The following AFDN variants were observed in gnomAD, a reference collection of about 807,000 sequenced individuals.
AFDN encodes the protein afadin.
In AFDN, 68 loss-of-function variants were observed where a neutral mutation model predicts 216.6. The observed-to-expected ratio is 0.31, with a 90% CI of 0.26 to 0.38. The LOEUF (loss-of-function observed/expected upper bound fraction) is 0.38, where lower values mean the gene tolerates loss of function less well. Among genes scored for constraint, AFDN ranks in the 10% least tolerant of loss-of-function variants. The pLI, the probability that AFDN is intolerant of heterozygous loss-of-function variation, is 1.00. For synonymous variants in AFDN, 868 were observed against 853.7 expected (o/e 1.02, Z -0.29); for missense variants, 2,136 against 2,342.0 (o/e 0.91, Z 1.82).
intron 1 of AFDN, among the ~76,000 whole-genome samples, chr6:167,851,803 A>G (rs141862803): frequency 3.9e-5 from 6 of 152,272 alleles, no homozygotes; most frequent in South Asian, 4.1e-4. Flanking sequence ...TAAGCAAGCT[A>G]TGTTTGGCTT....
chr6:167,916,897 C>T (rs774430067), intron 19 of AFDN, among the ~76,000 whole-genome samples, 192 bp from the exon 20 acceptor site: 10 of 151,856 alleles, frequency 6.6e-5, no homozygotes, highest in Non-Finnish European at 1.5e-4. Context: ...AAAAAGATGC[C>T]CTTTACAAGA....
At chr6:167,922,549 G>A (rs1122916) in intron 21 of AFDN, among the ~76,000 whole-genome samples, 68,385 of 151,958 alleles carry the variant, frequency 0.45, 16,194 homozygotes, top group East Asian at 0.8. Context: ...TGGAGTAAAC[G>A]GTTCTGCAAG....
At chr6:167,844,434 G>C (rs1781413084) in intron 1 of AFDN, among the ~76,000 whole-genome samples, 1 of 152,124 alleles carries the variant, frequency 6.6e-6, no homozygotes, top group African/African-American at 2.4e-5. Context: ...TAAAACAAAA[G>C]TATGTATAAA....
At chr6:167,958,525 AAC>A (rs1453805938) in intron 30 of AFDN, among the ~76,000 whole-genome samples, 1 of 152,236 alleles carries the variant, frequency 6.6e-6, no homozygotes, top group East Asian at 1.9e-4. Context: ...TTGTCTTGTT[AAC>A]ACGTTTTAAT....
intron 31 of AFDN, chr6:167,964,950 C>T (rs1306533195): frequency 2.8e-6 from 3 of 1,056,040 alleles, no homozygotes; most frequent in African/African-American, 1.7e-5. Flanking sequence ...TTAACACTGT[C>T]AACTGTAGTT....
chr6:167,948,170 A>G (rs1397297215), intron 28 of AFDN, 123 bp from the exon 29 acceptor site: 2 of 906,072 alleles, frequency 2.2e-6, no homozygotes, highest in Non-Finnish European at 3.3e-6. Flanking sequence ...AGTATGGATC[A>G]AACACTTTTT....
At chr6:167,941,965 G>T (rs1319857218) in intron 23 of AFDN, among the ~76,000 whole-genome samples, 10 of 152,200 alleles carry the variant, frequency 6.6e-5, no homozygotes. Context: ...CTCCAAAATG[G>T]AGTTGCTTTG....
At chr6:167,835,125 TAAAC>T (rs770191094) in intron 1 of AFDN, among the ~76,000 whole-genome samples, 12 of 152,236 alleles carry the variant, frequency 7.9e-5, no homozygotes, top group African/African-American at 2.7e-4. Context: ...TAAATTTCCT[TAAAC>T]AATAACAAAA....
At chr6:167,896,490 A>G (rs1788264985) in intron 9 of AFDN, among the ~76,000 whole-genome samples, 1 of 152,204 alleles carries the variant, frequency 6.6e-6, no homozygotes, top group African/African-American at 2.4e-5. Flanking sequence ...TAAGGGCAGC[A>G]AGAATACTGC....
intron 6 of AFDN, 133 bp downstream of exon 6, chr6:167,880,650 A>G: frequency 1.2e-6 from 1 of 855,622 alleles, no homozygotes. Flanking sequence ...ATCATGTGCT[A>G]AATATATATT....
chr6:167,969,637 T>C (rs1176059113), intron 33 of AFDN, 145 bp from the exon 34 acceptor site: 1 of 725,574 alleles, frequency 1.4e-6, no homozygotes, highest in African/African-American at 1.8e-5. Context: ...ATACAGCCCC[T>C]GTGATTTCGA....
intron 13 of AFDN, among the ~76,000 whole-genome samples, chr6:167,910,639 C>T (rs1278454840): frequency 6.6e-6 from 1 of 152,164 alleles, no homozygotes; most frequent in Non-Finnish European, 1.5e-5. Flanking sequence ...GTCAGCTTGT[C>T]TAACCCTGTG....
At chr6:167,838,641 C>G (rs1045740049) in intron 1 of AFDN, among the ~76,000 whole-genome samples, 1 of 152,194 alleles carries the variant, frequency 6.6e-6, no homozygotes, top group Non-Finnish European at 1.5e-5. Flanking sequence ...ACTTGCATTT[C>G]CAAATGAAAA....
intron 9 of AFDN, among the ~76,000 whole-genome samples, chr6:167,894,604 TC>T (rs1034041652): frequency 5.9e-5 from 9 of 152,312 alleles, no homozygotes; most frequent in African/African-American, 1.9e-4. Flanking sequence ...TTTAGGTTCT[TC>T]AAAATCTGTA....
intron 2 of AFDN, among the ~76,000 whole-genome samples, chr6:167,865,618 A>T (rs1333790090): frequency 6.6e-6 from 1 of 152,196 alleles, no homozygotes; most frequent in Admixed American, 6.5e-5. Context: ...GTCTCTAAAA[A>T]AATTAATAAA....
At chr6:167,848,826 G>C (rs1288618349) in intron 1 of AFDN, among the ~76,000 whole-genome samples, 4 of 152,084 alleles carry the variant, frequency 2.6e-5, no homozygotes, top group Non-Finnish European at 4.4e-5. Context: ...CCTTTAATTG[G>C]ATTTCTCTTT....
intron 23 of AFDN, among the ~76,000 whole-genome samples, chr6:167,936,418 T>C (rs1323658129): frequency 6.6e-6 from 1 of 152,232 alleles, no homozygotes; most frequent in Non-Finnish European, 1.5e-5. Context: ...TGAATTTTAA[T>C]TGTGTGCGCA....
chr6:167,827,311 C>T (rs1298452367), intron 1 of AFDN, 74 bp downstream of exon 1: 4 of 559,804 alleles, frequency 7.1e-6, no homozygotes, highest in Non-Finnish European at 8.9e-6. Flanking sequence ...CCCCCGCCGC[C>T]GCCCGCCAGC....
chr6:167,947,425 C>T lies in AFDN; in HGVS notation c.3554-428C>T, dbSNP rs554573444. On this transcript the variant is annotated intron_variant, in intron 27 of 33. Transcript: ENST00000683244. ...CGATCTCCTGACCTCGTGATCTGCC[C>T]GCCTTGGCCTCCCAAAGTGCTGGGA... 3.6e-4 allele frequency among the ~76,000 whole-genome samples: 55 copies of T among 152,230 alleles called. 1 individual carries two copies. The highest frequency in any genetic ancestry group is 3.4e-3 in the Middle Eastern group (1 of 294).
Sources: gnomAD v4.1 joint callset for allele counts (sites outside exome capture counted in the v4.1 genomes callset) on GRCh38, gnomAD v4.1.1 for gene constraint, MANE v1.5 for transcripts, NCBI Gene and HGNC (gene_info 2026-07-23, HGNC 2026-07-21) for gene names.